CAMTA1: variants seen among roughly 807,000 people sequenced by gnomAD.
The protein encoded by CAMTA1 is calmodulin-binding transcription activator 1.
A neutral mutation model predicts 170.9 loss-of-function variants in CAMTA1; 27 were observed. The observed-to-expected ratio is 0.16, with a 90% CI of 0.12 to 0.22. The LOEUF is 0.22. Among genes scored for constraint, CAMTA1 ranks in the 10% least tolerant of loss-of-function variants. The pLI is 1.00. For missense variants in CAMTA1, 1,619 were observed against 2,217.2 expected, an observed-to-expected ratio of 0.73 and a Z score of 5.42; for synonymous variants, 833 against 891.5, an observed-to-expected ratio of 0.93 and a Z score of 1.17.
At chr1:6,955,708 G>A (rs1271808973) in intron 3 of CAMTA1, among the ~76,000 whole-genome samples, 1 of 152,140 alleles carries the variant, frequency 6.6e-6, no homozygotes, top group Non-Finnish European at 1.5e-5. Flanking sequence ...GATGTTCACG[G>A]GGCTTAGTGA....
At chr1:7,235,502 C>A (rs1310990947) in intron 4 of CAMTA1, among the ~76,000 whole-genome samples, 1 of 152,130 alleles carries the variant, frequency 6.6e-6, no homozygotes, top group African/African-American at 2.4e-5. Flanking sequence ...TGGTGGGCGC[C>A]TGTTGTCTCA....
At position 7,685,963 on chromosome 1, in the gene CAMTA1, A is replaced by C. The variant is rs1245149097; in HGVS notation, c.2914+8230A>C. Among the ~76,000 whole-genome samples, 1 of 152,130 alleles carries C rather than the reference A, an allele frequency of 6.6e-6. No individual in the cohort carries two copies. The highest frequency in any genetic ancestry group is 1.5e-5 in the Non-Finnish European group (1 of 68,024). On this transcript the variant is annotated intron_variant, in intron 11 of 22. Coordinates refer to ENST00000303635, the MANE Select transcript of CAMTA1 (RefSeq NM_015215.4). The surrounding 1 kb of genome is among the most constrained non-coding windows in gnomAD (Gnocchi z 5.7). ...CTCCCCGACATCCCAATACTAGCCTAGCATGTTTCTTTCCTTTATTTCTCT... is the reference window on the plus strand; with the variant it reads ...CTCCCCGACATCCCAATACTAGCCTCGCATGTTTCTTTCCTTTATTTCTCT...
chr1:7,599,700 C>T (rs1022948414), intron 6 of CAMTA1, among the ~76,000 whole-genome samples: 26 of 152,152 alleles, frequency 1.7e-4, no homozygotes, highest in Admixed American at 1.5e-3. Context: ...CTCTTTGAAG[C>T]AGTTGTGAAT....
intron 5 of CAMTA1, among the ~76,000 whole-genome samples, chr1:7,284,159 CTTCTTCTTCTTCTTCTTCTTA>C (rs1483832893): frequency 1.8e-4 from 21 of 116,886 alleles, no homozygotes; most frequent in African/African-American, 5.9e-4. Flanking sequence ...TCTTCTTCTT[CTTCTTCTTCTTCTTCTTCTTA>C]TTATTATTAT....
intron 6 of CAMTA1, among the ~76,000 whole-genome samples, chr1:7,509,980 C>T (rs903969278): frequency 1.3e-5 from 2 of 150,960 alleles, no homozygotes; most frequent in South Asian, 2.1e-4. Flanking sequence ...CTGTCACTCC[C>T]GAGTCATCCT....
At chr1:7,765,777 C>T (rs903331740) in intron 22 of CAMTA1, among the ~76,000 whole-genome samples, 2 of 152,140 alleles carry the variant, frequency 1.3e-5, no homozygotes, top group Non-Finnish European at 2.9e-5. Flanking sequence ...CCTGTAATCC[C>T]AGCACTTTGG....
chr1:7,387,872 T>C (rs1268508901), intron 5 of CAMTA1, among the ~76,000 whole-genome samples: 1 of 152,212 alleles, frequency 6.6e-6, no homozygotes, highest in Non-Finnish European at 1.5e-5. Flanking sequence ...TTTGATTGCT[T>C]TCCCCTCCCT....
At chr1:7,227,939 GC>G (rs200226962) in intron 4 of CAMTA1, among the ~76,000 whole-genome samples, 6,605 of 152,296 alleles carry the variant, frequency 0.043, 433 homozygotes, top group African/African-American at 0.14. Context: ...CAGGCTGGCA[GC>G]GCTTTGTCCC....
At chr1:7,652,845 C>T (rs542647794) in intron 7 of CAMTA1, among the ~76,000 whole-genome samples, 60 of 152,124 alleles carry the variant, frequency 3.9e-4, no homozygotes, top group Non-Finnish European at 6.8e-4. Flanking sequence ...AGGCAGGTCG[C>T]CCAGTGGAAA....
chr1:7,744,128 CTTT>C (rs60348958), intron 16 of CAMTA1, among the ~76,000 whole-genome samples: 44,336 of 82,428 alleles, frequency 0.54, 9,811 homozygotes, highest in Middle Eastern at 0.71. Context: ...CGCCTGGCCT[CTTT>C]TTTTTTTTTT....
intron 4 of CAMTA1, among the ~76,000 whole-genome samples, chr1:7,128,316 T>C (rs1262055872): frequency 1.3e-5 from 2 of 152,164 alleles, no homozygotes; most frequent in Admixed American, 6.5e-5. Flanking sequence ...GTGAGTCCTT[T>C]CAGTGACTCA....
chr1:6,977,372 G>C (rs1217760978), intron 3 of CAMTA1, among the ~76,000 whole-genome samples: 1 of 151,156 alleles, frequency 6.6e-6, no homozygotes, highest in Non-Finnish European at 1.5e-5. Flanking sequence ...TTGCTCTGTT[G>C]CTCTGTCACC....
At chr1:7,169,805 G>A (rs960866140) in intron 4 of CAMTA1, among the ~76,000 whole-genome samples, 5 of 152,322 alleles carry the variant, frequency 3.3e-5, no homozygotes, top group South Asian at 4.1e-4. Flanking sequence ...GGAATTACAG[G>A]CATGAGCCAC....
chr1:7,508,292 C>G (rs1036283345), intron 6 of CAMTA1, among the ~76,000 whole-genome samples: 5 of 152,214 alleles, frequency 3.3e-5, no homozygotes, highest in Admixed American at 6.5e-5. Context: ...GGGCAGAGGG[C>G]CTGACTCCTG....
intron 6 of CAMTA1, among the ~76,000 whole-genome samples, chr1:7,481,946 C>T (rs890859197): frequency 3.9e-5 from 6 of 152,116 alleles, no homozygotes; most frequent in African/African-American, 1.4e-4. Context: ...ACATCGCCAT[C>T]ACCCCAGAAA....
chr1:7,091,606 G>C (rs1410818763), intron 4 of CAMTA1, among the ~76,000 whole-genome samples: 2 of 152,190 alleles, frequency 1.3e-5, no homozygotes, highest in East Asian at 1.9e-4. Context: ...TTAACCTGAC[G>C]GCTGCATCCT....
At chr1:6,976,903 G>C (rs1693528889) in intron 3 of CAMTA1, among the ~76,000 whole-genome samples, 1 of 152,170 alleles carries the variant, frequency 6.6e-6, no homozygotes, top group African/African-American at 2.4e-5. Context: ...TAGTGAATAA[G>C]TCTCACAAAA....
At chr1:7,045,483 AC>A (rs1470212244) in intron 3 of CAMTA1, among the ~76,000 whole-genome samples, 1 of 151,912 alleles carries the variant, frequency 6.6e-6, no homozygotes, top group African/African-American at 2.4e-5. Flanking sequence ...ATTAATTTGT[AC>A]CCCCCAGCAG....
At chr1:6,899,611 T>G (rs760120391) in intron 3 of CAMTA1, among the ~76,000 whole-genome samples, 6 of 148,690 alleles carry the variant, frequency 4.0e-5, no homozygotes, top group Non-Finnish European at 9.0e-5. Context: ...CACTATCTCA[T>G]AATAAAGTTG....
Sources: allele counts gnomAD v4.1 joint callset (sites outside exome capture counted in the v4.1 genomes callset), GRCh38; gene constraint gnomAD v4.1.1; non-coding constraint Gnocchi (gnomAD v3.1); transcripts MANE v1.5; gene names NCBI Gene and HGNC (gene_info 2026-07-23, HGNC 2026-07-21).